BAZ1B: variants seen among roughly 807,000 people sequenced by gnomAD.
BAZ1B encodes the protein bromodomain adjacent to zinc finger domain 1B.
A neutral mutation model predicts 153.8 loss-of-function variants in BAZ1B; 22 were observed. The observed-to-expected ratio is 0.14, with a 90% confidence interval of 0.10 to 0.20. The LOEUF (loss-of-function observed/expected upper bound fraction) is 0.20, where lower values mean the gene tolerates loss of function less well. BAZ1B is among the 10% of genes least tolerant of loss of function. The probability of loss-of-function intolerance (pLI) is 1.00; values close to 1 mark genes in which losing one functional copy is unlikely to be tolerated. For synonymous variants in BAZ1B, 676 were observed against 633.4 expected, an observed-to-expected ratio of 1.07 and a Z score of -1.01; for missense variants, 1,325 against 1,799.3, an observed-to-expected ratio of 0.74 and a Z score of 4.77.
At chr7:73,497,316 T>C (rs919998106) in intron 4 of BAZ1B, among the ~76,000 whole-genome samples, 1 of 152,068 alleles carries the variant, frequency 6.6e-6, no homozygotes, top group African/African-American at 2.4e-5. Flanking sequence ...ATAAAATGAC[T>C]GAGGTCACTT....
Position 73,442,561 on chromosome 7 carries a change from G to A in BAZ1B, c.4095-8C>T. On this transcript the variant is annotated splice_polypyrimidine_tract_variant and splice_region_variant and intron_variant, in intron 18 of 19. Transcript: ENST00000339594. ...TCTCTGGTCACAGGCTCCCTGTGGA[G>A]AAGAACCAAATGGAGAATCTGCACA... 1.9e-6 allele frequency: 3 copies of A among 1,602,690 alleles called. No homozygotes were observed. Among genetic ancestry groups the A allele is most frequent in the South Asian group, 1.1e-5 (1 of 89,930 alleles).
intron 1 of BAZ1B, among the ~76,000 whole-genome samples, chr7:73,521,569 C>G (rs1365286293): frequency 1.3e-5 from 2 of 152,046 alleles, no homozygotes; most frequent in Non-Finnish European, 2.9e-5. Context: ...GCCGGCGAGG[C>G]CCCGGGACAA....
chr7:73,476,743 T>C (rs1425651063), intron 7 of BAZ1B, 125 bp downstream of exon 7: 27 of 1,426,582 alleles, frequency 1.9e-5, no homozygotes, highest in Non-Finnish European at 2.4e-5. Context: ...TACATACCAA[T>C]AGGTGCTGGG....
chr7:73,510,324 G>A (rs1790528982), intron 2 of BAZ1B, among the ~76,000 whole-genome samples: 1 of 152,038 alleles, frequency 6.6e-6, no homozygotes, highest in Admixed American at 6.6e-5. Context: ...AGCTACTTGG[G>A]AGGCTGAGGC....
intron 4 of BAZ1B, among the ~76,000 whole-genome samples, chr7:73,494,936 T>G (rs947282703): frequency 1.3e-5 from 2 of 152,170 alleles, no homozygotes; most frequent in Non-Finnish European, 2.9e-5. Flanking sequence ...TTACCTGCCT[T>G]GGGATACAAG....
chr7:73,489,065 T>C (rs534259290), intron 6 of BAZ1B, 129 bp downstream of exon 6: 110 of 914,126 alleles, frequency 1.2e-4, no homozygotes, highest in Non-Finnish European at 1.6e-4. Context: ...GTAACAGATA[T>C]ACCTGAAAAA....
Position 73,478,106 on chromosome 7 carries a change from C to T in BAZ1B, c.1355G>A (p.Arg452Gln), listed in dbSNP as rs782668908. The change falls in exon 7 of 20, where the codon CGA (arginine) becomes CAA (glutamine). Residue 452 changes from arginine (R) to glutamine (Q), a missense_variant. By Grantham distance (43) the Arg-to-Gln change is conservative (BLOSUM62 1). This residue lies in a region of BAZ1B where 219 missense variants were observed against 248.2 expected (regional missense o/e 0.88). Coordinates refer to ENST00000339594, the MANE Select transcript of BAZ1B (RefSeq NM_032408.4). ...DMAKGTQKMT[R>Q]APRNSGGTPR... ...TGTACCCCCAGAATTCCGTGGGGCT[C>T]GTGTCATCTTCTGCGTGCCTTTGGC... The T allele has an allele frequency of 2.5e-6, 4 of 1,614,148 alleles. No individual in the cohort carries two copies. The highest frequency in any genetic ancestry group is 3.3e-5 in the Admixed American group (2 of 60,020).
At chr7:73,441,980 A>C in intron 19 of BAZ1B, 2 of 565,288 alleles carry the variant, frequency 3.5e-6, no homozygotes, top group Non-Finnish European at 6.3e-6. Flanking sequence ...AGGGAGGGTT[A>C]TGGCCCTCTT....
intron 13 of BAZ1B, 124 bp downstream of exon 13, chr7:73,459,402 AACACACACAC>A: frequency 2.3e-6 from 2 of 857,624 alleles, no homozygotes; most frequent in Non-Finnish European, 3.5e-6. Context: ...AAAAAAAAAA[AACACACACAC>A]ACACAAAAAC....
chr7:73,482,244 G>A (rs1487749489), intron 6 of BAZ1B, among the ~76,000 whole-genome samples: 6 of 152,100 alleles, frequency 3.9e-5, no homozygotes, highest in African/African-American at 1.2e-4. Context: ...GGAAGAATAA[G>A]CCAAGATAAC....
chr7:73,475,501 A>T (rs542914230), intron 7 of BAZ1B, among the ~76,000 whole-genome samples: 1 of 152,394 alleles, frequency 6.6e-6, no homozygotes, highest in East Asian at 1.9e-4. Context: ...TTGCATTTAC[A>T]TGAAATATCC....
At chr7:73,514,108 T>C (rs537800553) in intron 1 of BAZ1B, among the ~76,000 whole-genome samples, 156 of 152,306 alleles carry the variant, frequency 1.0e-3, no homozygotes, top group African/African-American at 3.5e-3. Context: ...CAATGAGCTC[T>C]TCCTTTGACG....
At chr7:73,472,175 G>T (rs182364504) in intron 7 of BAZ1B, among the ~76,000 whole-genome samples, 2 of 151,782 alleles carry the variant, frequency 1.3e-5, no homozygotes, top group African/African-American at 4.8e-5. Context: ...AAAAATGCAA[G>T]AAGAAATTAT....
Position 73,441,439 on chromosome 7 carries a change from A to C in BAZ1B, c.*270T>G, listed in dbSNP as rs1787612179. On this transcript the variant is annotated 3_prime_UTR_variant, in exon 20 of 20. Transcript: ENST00000339594. ...CTCCAACACCCCTCTGGCCAGATCC[A>C]TCAAAGTAAAGGTTATATGCATGAT... 1 of 152,444 alleles carries C rather than the reference A, an allele frequency of 6.6e-6. No homozygotes were observed. Among genetic ancestry groups the C allele is most frequent in the Admixed American group, 6.5e-5 (1 of 15,268 alleles). The allele number at this position is 152,444 out of a possible 1,614,324, so 9.4% of individuals were successfully genotyped here.
At chr7:73,468,019 ATTC>A (rs1689985687) in intron 9 of BAZ1B, among the ~76,000 whole-genome samples, 1 of 152,198 alleles carries the variant, frequency 6.6e-6, no homozygotes, top group African/African-American at 2.4e-5. Flanking sequence ...AATCAGTATT[ATTC>A]TTATTTAACA....
chr7:73,474,895 A>G (rs1788942530), intron 7 of BAZ1B, among the ~76,000 whole-genome samples: 1 of 152,228 alleles, frequency 6.6e-6, no homozygotes, highest in Admixed American at 6.5e-5. Context: ...TAATAATCAG[A>G]TAACTCAATT....
Position 73,502,357 on chromosome 7 carries a change from CTT to C in BAZ1B, c.370-3661_370-3660del, listed in dbSNP as rs146842229. Among the ~76,000 whole-genome samples the C allele has an allele frequency of 1.7e-3, 252 of 149,424 alleles. 4 individuals carry two copies. In the East Asian group the frequency reaches 0.025, roughly 15 times the overall value. ...ACGCTTCCAATGTCCATCATATCTACTTTTTTTTTTATCACACTTAGAGTGCA... is the reference window on the plus strand; with the variant it reads ...ACGCTTCCAATGTCCATCATATCTACTTTTTTTTATCACACTTAGAGTGCA... On this transcript the variant is annotated intron_variant, in intron 3 of 19. Transcript: ENST00000339594.
intron 3 of BAZ1B, among the ~76,000 whole-genome samples, chr7:73,501,334 T>C (rs530374630): frequency 2.6e-5 from 4 of 152,304 alleles, no homozygotes; most frequent in African/African-American, 9.6e-5. Context: ...CTGTACAAGA[T>C]CTAGCCCTTG....
At chr7:73,508,734 C>A (rs565962576) in intron 2 of BAZ1B, among the ~76,000 whole-genome samples, 2 of 152,158 alleles carry the variant, frequency 1.3e-5, no homozygotes, top group African/African-American at 4.8e-5. Context: ...AACTTTTGGG[C>A]AGGGCGCGGT....
Sources: allele counts gnomAD v4.1 joint callset (sites outside exome capture counted in the v4.1 genomes callset), GRCh38; gene constraint gnomAD v4.1.1; regional missense constraint gnomAD v4.1.1; transcripts MANE v1.5; gene names NCBI Gene and HGNC (gene_info 2026-07-23, HGNC 2026-07-21).